SPIDR: variants seen among roughly 807,000 people sequenced by gnomAD.
SPIDR encodes the protein DNA repair-scaffolding protein.
Under a neutral mutation model 104.6 loss-of-function variants are expected in SPIDR, and 93 were observed. The observed-to-expected ratio is 0.89, with a 90% CI of 0.75 to 1.06. The LOEUF (loss-of-function observed/expected upper bound fraction) is 1.06, where lower values mean the gene tolerates loss of function less well. SPIDR is among the 50% of genes least tolerant of loss of function. The pLI is 0.00. For synonymous variants in SPIDR, 431 were observed against 416.9 expected (o/e 1.03, Z -0.41); for missense variants, 1,154 against 1,111.2 (o/e 1.04, Z -0.55).
chr8:47,374,734 G>A (rs781823077), intron 5 of SPIDR, among the ~76,000 whole-genome samples: 3 of 152,142 alleles, frequency 2.0e-5, no homozygotes, highest in Non-Finnish European at 4.4e-5. Flanking sequence ...AGGAGACAAA[G>A]CCTTCTGTTT....
At chr8:47,499,218 A>G (rs2079937299) in intron 8 of SPIDR, among the ~76,000 whole-genome samples, 1 of 152,198 alleles carries the variant, frequency 6.6e-6, no homozygotes, top group South Asian at 2.1e-4. Context: ...TGCTTGATGC[A>G]TGGTTCTTGG....
At chr8:47,312,839 G>A (rs2044476915) in intron 5 of SPIDR, among the ~76,000 whole-genome samples, 1 of 152,142 alleles carries the variant, frequency 6.6e-6, no homozygotes, top group Non-Finnish European at 1.5e-5. Context: ...TTCTTCTAGG[G>A]TTTTTATGGT....
At chr8:47,476,338 G>A (rs1376428866) in intron 8 of SPIDR, among the ~76,000 whole-genome samples, 6 of 152,122 alleles carry the variant, frequency 3.9e-5, no homozygotes, top group African/African-American at 1.4e-4. Flanking sequence ...TGATTGCCAC[G>A]AATTCCCTTT....
Position 47,360,588 on chromosome 8 carries a change from G to A in SPIDR, c.526-35788G>A, listed in dbSNP as rs564504583. Among the ~76,000 whole-genome samples the A allele has an allele frequency of 3.2e-4, 48 of 152,266 alleles. 2 individuals carry two copies. The South Asian group carries it at 5.8e-3, about 18-fold the overall frequency. On this transcript the variant is annotated intron_variant, in intron 5 of 19. Transcript: ENST00000297423. ...GGAGAGGCTGCCATGGCTGAGCACC[G>A]GGGCTGTTGGTAAACTCCAGCCAGC...
chr8:47,468,453 A>G (rs1321416335), intron 8 of SPIDR, among the ~76,000 whole-genome samples: 3 of 152,228 alleles, frequency 2.0e-5, no homozygotes, highest in Admixed American at 6.5e-5. Context: ...ACTTCAATCT[A>G]TACAACAGGG....
chr8:47,671,484 C>CTGAGGCAAGAGAATCACT (rs1360686629), intron 10 of SPIDR, among the ~76,000 whole-genome samples: 1 of 151,834 alleles, frequency 6.6e-6, no homozygotes, highest in Non-Finnish European at 1.5e-5. Context: ...ACTCAGGAGG[C>CTGAGGCAAGAGAATCACT]TGAGGCAAGA....
chr8:47,468,935 C>T (rs1456588928), intron 8 of SPIDR, among the ~76,000 whole-genome samples: 1 of 152,106 alleles, frequency 6.6e-6, no homozygotes, highest in Non-Finnish European at 1.5e-5. Context: ...ATTTTGCAGA[C>T]TACACATCTG....
At chr8:47,497,929 C>T (rs1474521170) in intron 8 of SPIDR, among the ~76,000 whole-genome samples, 1 of 152,118 alleles carries the variant, frequency 6.6e-6, no homozygotes, top group East Asian at 1.9e-4. Flanking sequence ...GTTAGTTTAA[C>T]AAAGGGAATT....
intron 5 of SPIDR, among the ~76,000 whole-genome samples, chr8:47,316,053 C>A (rs1208008978): frequency 6.6e-6 from 1 of 152,072 alleles, no homozygotes; most frequent in Non-Finnish European, 1.5e-5. Flanking sequence ...AATAGCAAAA[C>A]CTGTATCTGT....
intron 8 of SPIDR, among the ~76,000 whole-genome samples, chr8:47,552,533 C>G (rs2090685805): frequency 6.6e-6 from 1 of 152,136 alleles, no homozygotes; most frequent in Non-Finnish European, 1.5e-5. Context: ...TAATGGCCTT[C>G]TTTGTCTCTT....
chr8:47,262,705 C>A (rs1018496456), intron 1 of SPIDR, among the ~76,000 whole-genome samples: 3 of 152,182 alleles, frequency 2.0e-5, no homozygotes, highest in Non-Finnish European at 4.4e-5. Flanking sequence ...ATGGACCAAC[C>A]CGGTACAATG....
chr8:47,733,395 T>C (rs2085593423), intron 19 of SPIDR, among the ~76,000 whole-genome samples: 1 of 152,122 alleles, frequency 6.6e-6, no homozygotes, highest in African/African-American at 2.4e-5. Flanking sequence ...TCAAAAAAAG[T>C]AATAAAAAAT....
chr8:47,686,193 A>G (rs867846228), intron 11 of SPIDR, among the ~76,000 whole-genome samples: 21 of 152,162 alleles, frequency 1.4e-4, no homozygotes, highest in Admixed American at 1.0e-3. Flanking sequence ...GCCCATATAA[A>G]CATTTCACAT....
chr8:47,554,557 G>A (rs185110549), intron 8 of SPIDR, among the ~76,000 whole-genome samples: 20 of 152,350 alleles, frequency 1.3e-4, no homozygotes, highest in South Asian at 2.1e-4. Flanking sequence ...AGCCATGCGC[G>A]GGATATAATC....
At chr8:47,376,679 A>G (rs2058696206) in intron 5 of SPIDR, among the ~76,000 whole-genome samples, 1 of 152,134 alleles carries the variant, frequency 6.6e-6, no homozygotes, top group Middle Eastern at 3.2e-3. Context: ...TAGTAAGTTG[A>G]ATTTTCAAAA....
intron 8 of SPIDR, chr8:47,512,161 T>G: frequency 2.6e-6 from 1 of 390,810 alleles, no homozygotes. Flanking sequence ...CCCATGCGCC[T>G]CCCCACATCC....
chr8:47,628,144 A>G (rs191093798), intron 10 of SPIDR, among the ~76,000 whole-genome samples: 9 of 152,344 alleles, frequency 5.9e-5, no homozygotes, highest in Admixed American at 2.6e-4. Context: ...GGCTTTCCCT[A>G]TTAAACTAGC....
At chr8:47,646,286 A>G (rs1279461458) in intron 10 of SPIDR, among the ~76,000 whole-genome samples, 2 of 152,314 alleles carry the variant, frequency 1.3e-5, no homozygotes, top group South Asian at 2.1e-4. Context: ...CTGAGGGGCA[A>G]TAAACACTCT....
intron 7 of SPIDR, among the ~76,000 whole-genome samples, chr8:47,417,585 C>G (rs1490208931): frequency 1.3e-5 from 2 of 152,194 alleles, no homozygotes; most frequent in East Asian, 3.9e-4. Flanking sequence ...CCTGTTCACT[C>G]TGATGGTAGT....
Sources: gnomAD v4.1 joint callset for allele counts (sites outside exome capture counted in the v4.1 genomes callset) on GRCh38, gnomAD v4.1.1 for gene constraint, MANE v1.5 for transcripts, NCBI Gene and HGNC (gene_info 2026-07-23, HGNC 2026-07-21) for gene names.